Variants in RPUSD2 observed in about 807,000 individuals in gnomAD.
RPUSD2 encodes RNA pseudouridine synthase domain containing 2, also known as pseudouridylate synthase RPUSD2.
In RPUSD2, 31 loss-of-function variants were observed where a neutral mutation model predicts 41.5. That is an observed-to-expected ratio of 0.75 (90% CI 0.56 to 1.01). The LOEUF is 1.01. RPUSD2 is among the 50% of genes least tolerant of loss of function. RPUSD2 has a pLI of 0.00. For synonymous variants in RPUSD2, 305 were observed against 289.7 expected, an observed-to-expected ratio of 1.05 and a Z score of -0.54; for missense variants, 749 against 724.7, an observed-to-expected ratio of 1.03 and a Z score of -0.38.
chr15:40,570,845 T>TG (rs1482464180), intron 1 of RPUSD2, among the ~76,000 whole-genome samples: 2 of 152,146 alleles, frequency 1.3e-5, no homozygotes, highest in African/African-American at 4.8e-5. Flanking sequence ...ATAAATGACT[T>TG]GCCCAAGAGC....
chr15:40,572,696 C>T (rs1891169402), intron 2 of RPUSD2, among the ~76,000 whole-genome samples: 2 of 152,244 alleles, frequency 1.3e-5, no homozygotes, highest in East Asian at 1.9e-4. Context: ...CATGTCACTG[C>T]GTTCCAGCCT....
chr15:40,569,836 A>G lies in RPUSD2; in HGVS notation c.499A>G (p.Ser167Gly), dbSNP rs1595900323. 1 of 1,612,940 alleles carries G rather than the reference A, an allele frequency of 6.2e-7. No individual in the cohort carries two copies. The highest frequency in any genetic ancestry group is 1.7e-5 in the Admixed American group (1 of 59,868). Residue 167 changes from serine (S) to glycine (G), a missense_variant, in exon 1 of 3, where the codon AGT (serine) becomes GGT (glycine). Ser to Gly is a moderately conservative substitution (Grantham distance 56). Coordinates refer to ENST00000315616, the MANE Select transcript of RPUSD2 (RefSeq NM_152260.3). ...WVGHSLLHVFSTEFRAQPLAY... is the reference protein window; with the variant it reads ...WVGHSLLHVFGTEFRAQPLAY... ...GGGCCACAGCTTGCTGCACGTCTTC[A>G]GTACCGAGTTCCGAGCTCAGCCCCT...
rs780328306 is a variant in RPUSD2, at chr15:40,569,657, G to C, written c.320G>C (p.Arg107Thr). Residue 107 changes from arginine (R) to threonine (T), a missense_variant, in exon 1 of 3, where the codon AGG becomes ACG. By Grantham distance (71) the Arg-to-Thr change is moderately conservative (BLOSUM62 -1). Coordinates refer to ENST00000315616, the MANE Select transcript of RPUSD2 (RefSeq NM_152260.3). ...GKHKKRRGAT[R>T]ERVVPPPKKR... is the part of the protein sequence containing the mutation. ...CATAAGAAGCGGCGGGGCGCAACCA[G>C]GGAGCGTGTCGTGCCGCCCCCGAAG... The C allele has an allele frequency of 6.5e-7, 1 of 1,545,794 alleles. No individual in the cohort carries two copies. The highest frequency in any genetic ancestry group is 1.2e-5 in the South Asian group (1 of 82,008).
chr15:40,573,630 G>A lies in RPUSD2; in HGVS notation c.1007G>A (p.Arg336His), dbSNP rs762712091. 5.0e-6 allele frequency: 8 copies of A among 1,614,052 alleles called. No homozygotes were observed. The Admixed American group carries it at 5.0e-5, about 10-fold the overall frequency. Residue 336 changes from arginine to histidine, a missense_variant, in exon 3 of 3, where the codon CGT becomes CAT. Transcript: ENST00000315616. ...GTGTCTTACAAAGTAGGGGTGTGCC[G>A]TGTAGATCCCCGGGGCAAGCCCTGT... ...LVVSYKVGVC[R>H]VDPRGKPCET...
chr15:40,574,397 G>C lies in RPUSD2; in HGVS notation c.*136G>C. On this transcript the variant is annotated 3_prime_UTR_variant, in exon 3 of 3. Coordinates refer to ENST00000315616, the MANE Select transcript of RPUSD2 (RefSeq NM_152260.3). Reference sequence around the variant, plus strand: ...CTTCTAAAGAGACCTGCTCATACTTGCTACCTCCTTCCAGTGGGAATTTGG... The same window carrying C: ...CTTCTAAAGAGACCTGCTCATACTTCCTACCTCCTTCCAGTGGGAATTTGG... 3.0e-6 allele frequency: 3 copies of C among 1,002,378 alleles called. No homozygotes were observed. The highest frequency in any genetic ancestry group is 4.2e-6 in the Non-Finnish European group (3 of 709,324). The allele number at this position is 1,002,378 out of a possible 1,614,324, so 62.1% of individuals were successfully genotyped here.
At chr15:40,571,959 A>G in intron 2 of RPUSD2, 59 bp downstream of exon 2, 1 of 1,537,660 alleles carries the variant, frequency 6.5e-7, no homozygotes, top group South Asian at 1.2e-5. Context: ...GCTCTGTGTC[A>G]AAAGGGCATC....
Position 40,573,617 on chromosome 15 carries a change from G to A in RPUSD2, c.994G>A (p.Val332Ile), listed in dbSNP as rs747501310. 6.2e-7 allele frequency: 1 copy of A among 1,614,152 alleles called. No individual in the cohort carries two copies. Among genetic ancestry groups the A allele is most frequent in the Admixed American group, 1.7e-5 (1 of 60,020 alleles). ...KEPILVVSYK[V>I]GVCRVDPRGK... The stretch of plus-strand genomic sequence containing the variant: ...ACCCATCTTAGTGGTGTCTTACAAA[G>A]TAGGGGTGTGCCGTGTAGATCCCCG... Residue 332 changes from valine (V) to isoleucine (I), a missense_variant, in exon 3 of 3, where the codon GTA becomes ATA. By Grantham distance (29) the Val-to-Ile change is conservative (BLOSUM62 3). Transcript: ENST00000315616.
Position 40,569,570 on chromosome 15 carries a change from A to G in RPUSD2, c.233A>G (p.Glu78Gly), listed in dbSNP as rs1299649453. 13 of 1,533,258 alleles carry G rather than the reference A, an allele frequency of 8.5e-6. No homozygotes were observed. In the East Asian group the frequency reaches 2.7e-4, roughly 32 times the overall value. The allele number at this position is 1,533,258 out of a possible 1,614,324, so 95.0% of individuals were successfully genotyped here. A position where few individuals can be genotyped will look rare whatever the true frequency, so the allele number is the denominator to read the frequency against. ...GGGCCCCCGAAGCCGGCTGGCCGGGAAGTGGAGCCGGCCCCAGTAGGCGGG... is the reference window on the plus strand; with the variant it reads ...GGGCCCCCGAAGCCGGCTGGCCGGGGAGTGGAGCCGGCCCCAGTAGGCGGG... ...SPGPPKPAGREVEPAPVGGEH... is the reference protein window; with the variant it reads ...SPGPPKPAGRGVEPAPVGGEH... Residue 78 changes from glutamate (E) to glycine (G), a missense_variant, in exon 1 of 3, where the codon GAA (glutamate) becomes GGA (glycine). By Grantham distance (98) the Glu-to-Gly change is moderately conservative. Coordinates refer to ENST00000315616, the MANE Select transcript of RPUSD2 (RefSeq NM_152260.3).
intron 2 of RPUSD2, among the ~76,000 whole-genome samples, chr15:40,572,990 C>T (rs1891173113): frequency 6.6e-6 from 1 of 151,276 alleles, no homozygotes; most frequent in Admixed American, 6.6e-5. Context: ...TTATCACAGC[C>T]CAATGAGGTA....
chr15:40,569,465 T>G lies in RPUSD2; in HGVS notation c.128T>G (p.Val43Gly). 1 of 1,575,520 alleles carries G rather than the reference T, an allele frequency of 6.3e-7. No homozygotes were observed. The highest frequency in any genetic ancestry group is 8.6e-7 in the Non-Finnish European group (1 of 1,164,376). ...ATGGCAGAAACAGTGTCTACCCAGG[T>G]TGGGACAGAGGGCGGGCTGAGGGCT... is the stretch of plus-strand genomic sequence containing the variant. The part of the protein sequence containing the change: ...GPMAETVSTQ[V>G]GTEGGLRASH... The change falls in exon 1 of 3, where the codon GTT becomes GGT. Residue 43 changes from valine to glycine, a missense_variant. Coordinates refer to ENST00000315616, the MANE Select transcript of RPUSD2 (RefSeq NM_152260.3).
rs1386298406 is a variant in RPUSD2, at chr15:40,573,946, C to T, written c.1323C>T (p.Asp441=). The change falls in exon 3 of 3, where the codon GAC becomes GAT. Residue 441 remains aspartate (D), a synonymous_variant. Transcript: ENST00000315616. The stretch of plus-strand genomic sequence containing the variant: ...GTGACCTGTCCCCAGGACTCACAGA[C>T]TCTACGGCCCCCTCCTCAGAGTTGG... ...CEGDLSPGLT[D]STAPSSELGK... 20 of 1,614,150 alleles carry T rather than the reference C, an allele frequency of 1.2e-5. No homozygotes were observed. Among genetic ancestry groups the T allele is most frequent in the Non-Finnish European group, 1.7e-5 (20 of 1,180,026 alleles).
intron 2 of RPUSD2, 49 bp downstream of exon 2, chr15:40,571,949 G>T (rs372415692): frequency 6.4e-7 from 1 of 1,573,434 alleles, no homozygotes; most frequent in African/African-American, 1.3e-5. Context: ...GCTCACGAAT[G>T]CTCTGTGTCA....
Position 40,569,825 on chromosome 15 carries a change from T to A in RPUSD2, c.488T>A (p.Leu163Gln), listed in dbSNP as rs768214459. The A allele has an allele frequency of 5.0e-6, 8 of 1,613,402 alleles. No individual in the cohort carries two copies. In the East Asian group the frequency reaches 1.6e-4, roughly 31 times the overall value. ...GGTCGCTGGGTGGGCCACAGCTTGC[T>A]GCACGTCTTCAGTACCGAGTTCCGA... is the stretch of plus-strand genomic sequence containing the variant. ...CKGRWVGHSLLHVFSTEFRAQ... is the reference protein window; with the variant it reads ...CKGRWVGHSLQHVFSTEFRAQ... Residue 163 changes from leucine to glutamine, a missense_variant, in exon 1 of 3, where the codon CTG becomes CAG. Transcript: ENST00000315616.
rs1022920193 is a variant in RPUSD2 at position 40,569,625 on chromosome 15, G to A, written c.288G>A (p.Pro96=). The A allele has an allele frequency of 1.9e-6, 3 of 1,538,914 alleles. No homozygotes were observed. The highest frequency in any genetic ancestry group is 1.9e-5 in the Admixed American group (1 of 51,310). The part of the protein sequence containing the change: ...GEHPSAAAPG[P]GKHKKRRGAT... The stretch of plus-strand genomic sequence containing the variant: ...ATCCCTCGGCTGCAGCCCCAGGCCC[G>A]GGCAAGCATAAGAAGCGGCGGGGCG... The change falls in exon 1 of 3, where the codon CCG becomes CCA. Residue 96 remains proline (P), a synonymous_variant. Transcript: ENST00000315616.
At chr15:40,572,063 A>C (rs1349696140) in intron 2 of RPUSD2, among the ~76,000 whole-genome samples, 163 bp downstream of exon 2, 1 of 152,188 alleles carries the variant, frequency 6.6e-6, no homozygotes, top group Non-Finnish European at 1.5e-5. Flanking sequence ...CAAATGCAGG[A>C]TATCTCATAT....
chr15:40,573,745 CCA>C lies in RPUSD2; in HGVS notation c.1124_1125del (p.His375ProfsTer57), dbSNP rs769527914. 1 of 1,614,214 alleles carries C rather than the reference CCA, an allele frequency of 6.2e-7. No individual in the cohort carries two copies. Among genetic ancestry groups the C allele is most frequent in the Admixed American group, 1.7e-5 (1 of 60,032 alleles). On this transcript the variant is annotated frameshift_variant, in exon 3 of 3. Transcript: ENST00000315616. LOFTEE classifies it high-confidence loss of function. ...CAGGCCGCACACACCAGATTCGAGT[CCA>C]CCTTCAGTTCTTGGGCCATCCCATT... ...LTGRTHQIRV[H>X]LQFLGHPILN...
rs891650359 is a variant in RPUSD2, at chr15:40,571,700, G to A, written c.703G>A (p.Val235Ile). The change falls in exon 2 of 3, where the codon GTA becomes ATA. Residue 235 changes from valine (V) to isoleucine (I), a missense_variant. Physicochemically the swap from Val to Ile is conservative, Grantham distance 29. Transcript: ENST00000315616. Reference protein sequence around the residue: ...LLAENEDVVVVDKPSSIPVHP... With the variant: ...LLAENEDVVVIDKPSSIPVHP... ...AGCTGAGAACGAAGATGTGGTGGTT[G>A]TAGACAAGCCTTCCTCCATTCCCGT... 5.0e-6 allele frequency: 8 copies of A among 1,614,126 alleles called. No individual in the cohort carries two copies. The Admixed American group carries it at 6.7e-5, about 13-fold the overall frequency.
At position 40,574,225 on chromosome 15, in the gene RPUSD2, G is replaced by T; in HGVS notation, c.1602G>T (p.Met534Ile). ...CAGGCTTTGAGTACTTTTCACCAAT[G>T]CCTGCCTGGGCACAGGATGACTGGC... ...KGPGFEYFSP[M>I]PAWAQDDWQK... Residue 534 changes from methionine (M) to isoleucine (I), a missense_variant, in exon 3 of 3, where the codon ATG becomes ATT. Transcript: ENST00000315616. 1 of 1,612,798 alleles carries T rather than the reference G, an allele frequency of 6.2e-7. No individual in the cohort carries two copies. The highest frequency in any genetic ancestry group is 8.5e-7 in the Non-Finnish European group (1 of 1,179,906).
intron 2 of RPUSD2, 25 bp downstream of exon 2, chr15:40,571,925 A>T (rs771347595): frequency 6.2e-7 from 1 of 1,606,052 alleles, no homozygotes; most frequent in Non-Finnish European, 8.5e-7. Context: ...TGTCTCCTAC[A>T]GGCCACTTCT....
Sources: gnomAD v4.1 joint callset for allele counts (sites outside exome capture counted in the v4.1 genomes callset) on GRCh38, gnomAD v4.1.1 for gene constraint, MANE v1.5 for transcripts, NCBI Gene and HGNC (gene_info 2026-07-23, HGNC 2026-07-21) for gene names.